PRMT8: variants seen among roughly 807,000 people sequenced by gnomAD.
PRMT8 encodes protein arginine methyltransferase 8, also known as protein arginine N-methyltransferase 8.
In PRMT8, 7 loss-of-function variants were observed where a neutral mutation model predicts 47.1. That is an observed-to-expected ratio of 0.15 (90% CI 0.08 to 0.28). PRMT8 has a LOEUF of 0.28. PRMT8 is among the 10% of genes least tolerant of loss of function. The probability of loss-of-function intolerance (pLI) is 1.00; values close to 1 mark genes in which losing one functional copy is unlikely to be tolerated. For synonymous variants in PRMT8, 188 were observed against 186.5 expected (o/e 1.01, Z -0.07); for missense variants, 237 against 505.4 (o/e 0.47, Z 5.09).
chr12:3,528,378 T>C (rs900306030), intron 1 of PRMT8, among the ~76,000 whole-genome samples: 7 of 152,198 alleles, frequency 4.6e-5, no homozygotes, highest in Non-Finnish European at 8.8e-5. Flanking sequence ...TTTTGGATGA[T>C]CTTTATTGCC....
intron 1 of PRMT8, among the ~76,000 whole-genome samples, chr12:3,421,911 C>A (rs1028473893): frequency 1.3e-5 from 2 of 152,322 alleles, no homozygotes; most frequent in African/African-American, 2.4e-5. Flanking sequence ...GGGAAACTCA[C>A]CACTGCGCTG....
chr12:3,491,095 G>T, upstream of PRMT8: 1 of 908,756 alleles, frequency 1.1e-6, no homozygotes, highest in Non-Finnish European at 1.3e-6. Flanking sequence ...GCCCGGGGGC[G>T]CTGGGGGCCC....
upstream of PRMT8, among the ~76,000 whole-genome samples, chr12:3,489,359 G>C (rs1226233575): frequency 6.6e-6 from 1 of 151,908 alleles, no homozygotes; most frequent in East Asian, 1.9e-4. Flanking sequence ...GCAGTGTTGG[G>C]TGGGGGCAGA....
At chr12:3,559,719 A>G (rs533474262) in intron 4 of PRMT8, among the ~76,000 whole-genome samples, 23 of 152,326 alleles carry the variant, frequency 1.5e-4, no homozygotes, top group Admixed American at 7.2e-4. Flanking sequence ...TGCCCCAGGC[A>G]GATGTCTGTC....
intron 7 of PRMT8, 60 bp from the exon 8 acceptor site, chr12:3,582,998 C>G: frequency 5.1e-6 from 8 of 1,574,858 alleles, no homozygotes; most frequent in Admixed American, 1.8e-5. Flanking sequence ...GGCTGCTGAC[C>G]GGGACCCAGA....
intron 8 of PRMT8, among the ~76,000 whole-genome samples, chr12:3,588,108 T>C (rs1277575782): frequency 6.6e-6 from 1 of 152,166 alleles, no homozygotes; most frequent in Non-Finnish European, 1.5e-5. Flanking sequence ...CCCTGGTTTT[T>C]TCAGGTATCA....
intron 1 of PRMT8, among the ~76,000 whole-genome samples, chr12:3,512,806 C>A (rs530763441): frequency 1.3e-5 from 2 of 152,320 alleles, no homozygotes; most frequent in African/African-American, 4.8e-5. Context: ...AGTAAATGAA[C>A]TATGGGTAGA....
intron 5 of PRMT8, 136 bp downstream of exon 5, chr12:3,568,984 T>C: frequency 2.5e-6 from 3 of 1,201,418 alleles, no homozygotes; most frequent in South Asian, 1.5e-5. Flanking sequence ...AGCCCCTCTC[T>C]CTAGAGCAGA....
At chr12:3,476,316 A>G (rs138440255) in intron 1 of PRMT8, among the ~76,000 whole-genome samples, 1 of 152,286 alleles carries the variant, frequency 6.6e-6, no homozygotes, top group African/African-American at 2.4e-5. Context: ...TCCTCTATGT[A>G]GGGTGCCAGA....
intron 8 of PRMT8, among the ~76,000 whole-genome samples, chr12:3,587,077 A>C (rs1867194267): frequency 6.6e-6 from 1 of 151,938 alleles, no homozygotes; most frequent in Non-Finnish European, 1.5e-5. Flanking sequence ...GTTTTTATGG[A>C]TCTCAGATGC....
chr12:3,491,592 C>T lies in PRMT8; in HGVS notation c.-34C>T, dbSNP rs1328600474. 6.2e-7 allele frequency: 1 copy of T among 1,607,140 alleles called. No individual in the cohort carries two copies. The highest frequency in any genetic ancestry group is 8.5e-7 in the Non-Finnish European group (1 of 1,177,614). ...GACACCAGCTCTCTCTCCTCCTCTA[C>T]TATCTCGGTATCACCAAACCCTTGC... On this transcript the variant is annotated 5_prime_UTR_variant, in exon 1 of 10. Transcript: ENST00000382622.
At chr12:3,425,806 A>G (rs762826775) in intron 1 of PRMT8, among the ~76,000 whole-genome samples, 12 of 152,246 alleles carry the variant, frequency 7.9e-5, no homozygotes, top group Admixed American at 2.0e-4. Context: ...AGCCAATTGG[A>G]CTAAAGAACA....
At chr12:3,462,060 T>C (rs1865048355) in intron 1 of PRMT8, among the ~76,000 whole-genome samples, 1 of 152,006 alleles carries the variant, frequency 6.6e-6, no homozygotes, top group East Asian at 1.9e-4. Context: ...CATTCTCCGA[T>C]AGGCCCCAGT....
In PRMT8 at chr12:3,492,006, C is replaced by G. The variant is rs573682174; in HGVS notation, c.75+306C>G. Among the ~76,000 whole-genome samples the G allele has an allele frequency of 4.6e-5, 7 of 152,146 alleles. No individual in the cohort carries two copies. Among genetic ancestry groups the G allele is most frequent in the East Asian group, 1.9e-4 (1 of 5,134 alleles). On this transcript the variant is annotated intron_variant, in intron 1 of 9. Coordinates refer to ENST00000382622, the MANE Select transcript of PRMT8 (RefSeq NM_019854.5). This position sits in a 1 kb window ranked among gnomAD's most constrained non-coding sequence, Gnocchi z 7.5. ...ACCCGCTGCTCCCTTCTCCCGCCCC[C>G]AAGTCCCAAACCCCGGGCAGCCGCG...
At chr12:3,521,116 A>G (rs1337758911) in intron 1 of PRMT8, among the ~76,000 whole-genome samples, 1 of 152,232 alleles carries the variant, frequency 6.6e-6, no homozygotes, top group African/African-American at 2.4e-5. Context: ...AGAAAAAGGA[A>G]AAGCTGGGCA....
In PRMT8 at chr12:3,593,604, G is replaced by T; in HGVS notation, c.*422G>T. On this transcript the variant is annotated 3_prime_UTR_variant, in exon 10 of 10. Transcript: ENST00000382622. The surrounding 1 kb of genome is among the most constrained non-coding windows in gnomAD (Gnocchi z 4.8). Reference sequence around the variant, plus strand: ...ATAGCATAAGCCAGATTATCTGTGTGTGCGGTGGTGTGCGTGTGCGTGCAT... The same window carrying T: ...ATAGCATAAGCCAGATTATCTGTGTTTGCGGTGGTGTGCGTGTGCGTGCAT... The T allele has an allele frequency of 2.1e-5, 5 of 233,014 alleles. No homozygotes were observed. The South Asian group carries it at 3.0e-4, about 14-fold the overall frequency. The allele number at this position is 233,014 out of a possible 1,614,324, so 14.4% of individuals were successfully genotyped here.
intron 1 of PRMT8, among the ~76,000 whole-genome samples, chr12:3,404,410 A>C (rs746368576): frequency 1.3e-5 from 2 of 152,208 alleles, no homozygotes; most frequent in Admixed American, 6.5e-5. Context: ...CACTTTTAAA[A>C]CTGAATTGTA....
chr12:3,399,980 A>C (rs923612627), intron 1 of PRMT8, among the ~76,000 whole-genome samples: 1 of 152,208 alleles, frequency 6.6e-6, no homozygotes, highest in East Asian at 1.9e-4. Context: ...TGAAGGCTTT[A>C]AAAATGCTCA....
chr12:3,580,337 C>CGTGT lies in PRMT8; in HGVS notation c.829-2694_829-2691dup, dbSNP rs57739335. ...TCCTGCCAGATGGGGGGTGCGTGTG[C>CGTGT]GTGTGTGTGTGTGTGTGTGTGTGTG... On this transcript the variant is annotated intron_variant, in intron 7 of 9. Transcript: ENST00000382622. This position sits in a 1 kb window ranked among gnomAD's most constrained non-coding sequence, Gnocchi z 4.6. 0.19 allele frequency among the ~76,000 whole-genome samples: 27,755 copies of CGTGT among 145,512 alleles called. 2,765 individuals carry two copies. The highest frequency in any genetic ancestry group is 0.26 in the Non-Finnish European group (16,892 of 65,822).
Sources: allele counts gnomAD v4.1 joint callset (sites outside exome capture counted in the v4.1 genomes callset), GRCh38; gene constraint gnomAD v4.1.1; non-coding constraint Gnocchi (gnomAD v3.1); transcripts MANE v1.5; gene names NCBI Gene and HGNC (gene_info 2026-07-23, HGNC 2026-07-21).